MMACHC: variants seen among roughly 807,000 people sequenced by gnomAD.
The protein encoded by MMACHC is metabolism of cobalamin associated C, also known as cyanocobalamin reductase / alkylcobalamin dealkylase.
Under a neutral mutation model 17.6 loss-of-function variants are expected in MMACHC, and 14 were observed. The ratio of observed to expected loss-of-function variants is 0.80; its 90% CI spans 0.53 to 1.25. The LOEUF is 1.25. Ranked by LOEUF, MMACHC falls within the 50% of genes most tolerant of loss-of-function variation. The pLI is 0.00. For synonymous variants in MMACHC, 151 were observed against 142.1 expected (o/e 1.06, Z -0.45); for missense variants, 392 against 364.5 (o/e 1.08, Z -0.62).
At chr1:45,502,275 C>A (rs1643557978) in intron 1 of MMACHC, among the ~76,000 whole-genome samples, 1 of 152,104 alleles carries the variant, frequency 6.6e-6, no homozygotes, top group South Asian at 2.1e-4. Context: ...TTATTTTATT[C>A]TTTATTTATT....
intron 1 of MMACHC, 134 bp from the exon 2 acceptor site, chr1:45,507,222 A>G (rs1000250797): frequency 1.3e-6 from 1 of 762,026 alleles, no homozygotes; most frequent in African/African-American, 1.7e-5. Flanking sequence ...AATGCATCAC[A>G]TAGCGTCAGT....
In MMACHC at chr1:45,509,416, GTTTTTT is replaced by G. The variant is rs56934185; in HGVS notation, c.*212_*217del. ...AGAATTCCCATCTGCCTTCAAATGA[GTTTTTT>G]TTTTTTTTTTAGACAGAGTCTTACT... On this transcript the variant is annotated 3_prime_UTR_variant, in exon 4 of 4. Coordinates refer to ENST00000401061, the MANE Select transcript of MMACHC (RefSeq NM_015506.3). The G allele has an allele frequency of 1.0e-5, 4 of 391,734 alleles. No homozygotes were observed. The highest frequency in any genetic ancestry group is 2.8e-5 in the African/African-American group (1 of 36,232). 24.3% of individuals were successfully genotyped at this position (391,734 alleles called of 1,614,324 possible). A position where few individuals can be genotyped will look rare whatever the true frequency, so the allele number is the denominator to read the frequency against.
Position 45,511,326 on chromosome 1 carries a change from C to T in MMACHC, c.*2111C>T, listed in dbSNP as rs370454296. On this transcript the variant is annotated 3_prime_UTR_variant, in exon 4 of 4. Coordinates refer to ENST00000401061, the MANE Select transcript of MMACHC (RefSeq NM_015506.3). ...GCAGCCTGGCACTAAAACAGCCCAG[C>T]GCTCACTTCTGCTTGGAGAAATATT... The T allele has an allele frequency of 1.2e-5, 19 of 1,607,756 alleles. No homozygotes were observed. Among genetic ancestry groups the T allele is most frequent in the Non-Finnish European group, 1.4e-5 (16 of 1,176,682 alleles).
At position 45,511,345 on chromosome 1, in the gene MMACHC, A is replaced by G; in HGVS notation, c.*2130A>G. The G allele has an allele frequency of 6.2e-7, 1 of 1,612,564 alleles. No homozygotes were observed. Among genetic ancestry groups the G allele is most frequent in the Non-Finnish European group, 8.5e-7 (1 of 1,179,354 alleles). Reference sequence around the variant, plus strand: ...GCCCAGCGCTCACTTCTGCTTGGAGAAATATTCTTTGCTCTTTTGGACATC... The same window carrying G: ...GCCCAGCGCTCACTTCTGCTTGGAGGAATATTCTTTGCTCTTTTGGACATC... On this transcript the variant is annotated 3_prime_UTR_variant, in exon 4 of 4. Transcript: ENST00000401061.
At chr1:45,502,374 A>T (rs1470942984) in intron 1 of MMACHC, among the ~76,000 whole-genome samples, 2 of 151,998 alleles carry the variant, frequency 1.3e-5, no homozygotes, top group Admixed American at 1.3e-4. Context: ...GGCTCAAGTG[A>T]TCCTCCCACT....
intron 1 of MMACHC, among the ~76,000 whole-genome samples, chr1:45,502,353 T>C (rs984070366): frequency 2.6e-5 from 4 of 152,170 alleles, no homozygotes; most frequent in African/African-American, 9.7e-5. Context: ...CACTGCAGCC[T>C]CAAACTCCTG....
intron 1 of MMACHC, among the ~76,000 whole-genome samples, chr1:45,505,119 A>AAAC (rs1491195716): frequency 9.7e-5 from 1 of 10,348 alleles, no homozygotes; most frequent in African/African-American, 7.7e-4. Flanking sequence ...GTATACATTT[A>AAAC]AAAAAAAAAA....
Position 45,511,217 on chromosome 1 carries a change from A to C in MMACHC, c.*2002A>C. On this transcript the variant is annotated 3_prime_UTR_variant, in exon 4 of 4. Transcript: ENST00000401061. ...GGAAAGGCCTGCCTTGTAAGACACC[A>C]CAATTCGGCTGAATCTGAAGTCTTG... 1.1e-6 allele frequency: 1 copy of C among 927,716 alleles called. No individual in the cohort carries two copies. Among genetic ancestry groups the C allele is most frequent in the Non-Finnish European group, 1.6e-6 (1 of 612,506 alleles). The allele number at this position is 927,716 out of a possible 1,614,324, so 57.5% of individuals were successfully genotyped here.
At chr1:45,508,673 A>T (rs1643674267) in intron 3 of MMACHC, 123 bp from the exon 4 acceptor site, 2 of 1,190,696 alleles carry the variant, frequency 1.7e-6, no homozygotes, top group Admixed American at 2.6e-5. Context: ...CAAGAAAAGG[A>T]CAGAGGTTTA....
rs949256561 is a variant in MMACHC at position 45,500,484 on chromosome 1, C to T, written c.81+71C>T. The T allele has an allele frequency of 2.7e-6, 4 of 1,456,262 alleles. No individual in the cohort carries two copies. In the African/African-American group the frequency reaches 4.2e-5, roughly 15 times the overall value. The allele number at this position is 1,456,262 out of a possible 1,614,324, so 90.2% of individuals were successfully genotyped here. A position where few individuals can be genotyped will look rare whatever the true frequency, so the allele number is the denominator to read the frequency against. ...CTTCGTTGCAACTGGCGTGAGGCCT[C>T]GGGAGCCTCTGATCCTCCTGGGTTC... On this transcript the variant is annotated intron_variant, in intron 1 of 3. Transcript: ENST00000401061.
At chr1:45,502,436 C>T (rs764539172) in intron 1 of MMACHC, among the ~76,000 whole-genome samples, 3 of 152,086 alleles carry the variant, frequency 2.0e-5, no homozygotes, top group Non-Finnish European at 2.9e-5. Flanking sequence ...CAGGGTCTCA[C>T]TTTGTTGCCC....
chr1:45,500,360 CAGA>C lies in MMACHC; in HGVS notation c.32_34del (p.Lys11del), dbSNP rs2149320876. On this transcript the variant is annotated inframe_deletion, in exon 1 of 4. Coordinates refer to ENST00000401061, the MANE Select transcript of MMACHC (RefSeq NM_015506.3). ...GGAGCCGAAAGTCGCAGAGCTGAAG[CAGA>C]AGATCGAGGACACGCTATGTCCTTT... 1 of 1,614,180 alleles carries C rather than the reference CAGA, an allele frequency of 6.2e-7. No individual in the cohort carries two copies. Among genetic ancestry groups the C allele is most frequent in the Non-Finnish European group, 8.5e-7 (1 of 1,180,036 alleles).
At chr1:45,500,536 A>T in intron 1 of MMACHC, 123 bp downstream of exon 1, 1 of 946,684 alleles carries the variant, frequency 1.1e-6, no homozygotes, top group Non-Finnish European at 1.7e-6. Context: ...ATGTGACAAC[A>T]GGGACAGAGT....
rs139230730 is a variant in MMACHC at position 45,506,738 on chromosome 1, C to T, written c.82-618C>T. 3.6e-4 allele frequency among the ~76,000 whole-genome samples: 55 copies of T among 152,018 alleles called. 1 individual carries two copies. In the East Asian group the frequency reaches 8.4e-3, roughly 23 times the overall value. ...CAGACCTTAGGTGATCCACCTGCCT[C>T]GGCCTCCCAAAGTGCTGGGATTATA... On this transcript the variant is annotated intron_variant, in intron 1 of 3. Coordinates refer to ENST00000401061, the MANE Select transcript of MMACHC (RefSeq NM_015506.3).
rs1643746613 is a variant in MMACHC at position 45,511,554 on chromosome 1, C to T, written c.*2339C>T. ...TGCAATCAGTCTTAGATCATTCACC[C>T]TTTTAGTATGAGCTAACCATTTTAC... On this transcript the variant is annotated 3_prime_UTR_variant, in exon 4 of 4. Coordinates refer to ENST00000401061, the MANE Select transcript of MMACHC (RefSeq NM_015506.3). 1.8e-6 allele frequency: 1 copy of T among 541,638 alleles called. No individual in the cohort carries two copies. The highest frequency in any genetic ancestry group is 1.9e-5 in the African/African-American group (1 of 51,512). 33.6% of individuals were successfully genotyped at this position (541,638 alleles called of 1,614,324 possible). A position where few individuals can be genotyped will look rare whatever the true frequency, so the allele number is the denominator to read the frequency against.
rs201813445 is a variant in MMACHC at position 45,509,164 on chromosome 1, C to T, written c.798C>T (p.Ala266=). The part of the protein sequence containing the change: ...APKKPGNPSR[A]RSWLSPRVSP... Reference sequence around the variant, plus strand: ...AGAAGCCTGGGAATCCCAGCAGAGCCCGGAGCTGGCTCAGCCCCAGGGTCT... The same window carrying T: ...AGAAGCCTGGGAATCCCAGCAGAGCTCGGAGCTGGCTCAGCCCCAGGGTCT... The change falls in exon 4 of 4, where the codon GCC becomes GCT. Residue 266 remains alanine, a synonymous_variant. Coordinates refer to ENST00000401061, the MANE Select transcript of MMACHC (RefSeq NM_015506.3). 1.2e-4 allele frequency: 201 copies of T among 1,613,964 alleles called. 1 individual carries two copies. In the African/African-American group the frequency reaches 2.4e-3, roughly 19 times the overall value.
chr1:45,500,300 AT>A lies in MMACHC; in HGVS notation c.-31del. 2 of 1,613,332 alleles carry A rather than the reference AT, an allele frequency of 1.2e-6. No individual in the cohort carries two copies. The highest frequency in any genetic ancestry group is 1.7e-6 in the Non-Finnish European group (2 of 1,179,474). ...ACGGCCCAATTGTCCTTGAGACTTCATTCCCCAGCAAGCTCAGCGTGTAACG... is the reference window on the plus strand; with the variant it reads ...ACGGCCCAATTGTCCTTGAGACTTCATCCCCAGCAAGCTCAGCGTGTAACG... On this transcript the variant is annotated 5_prime_UTR_variant, in exon 1 of 4. Transcript: ENST00000401061.
At chr1:45,501,168 A>G (rs1170502139) in intron 1 of MMACHC, among the ~76,000 whole-genome samples, 2 of 152,216 alleles carry the variant, frequency 1.3e-5, no homozygotes, top group Non-Finnish European at 2.9e-5. Context: ...TACCAACAGA[A>G]GGATAATTCA....
Position 45,509,678 on chromosome 1 carries a change from C to G in MMACHC, c.*463C>G. The G allele has an allele frequency of 6.1e-6, 1 of 163,360 alleles. No homozygotes were observed. The highest frequency in any genetic ancestry group is 2.4e-5 in the African/African-American group (1 of 41,384). 10.1% of individuals were successfully genotyped at this position (163,360 alleles called of 1,614,324 possible). ...CCACCCATCTTGGCCTCCCAAAGTC[C>G]TGGGATTACAGGAATGAGCCACCGC... On this transcript the variant is annotated 3_prime_UTR_variant, in exon 4 of 4. Coordinates refer to ENST00000401061, the MANE Select transcript of MMACHC (RefSeq NM_015506.3).
Sources: allele counts gnomAD v4.1 joint callset (sites outside exome capture counted in the v4.1 genomes callset), GRCh38; gene constraint gnomAD v4.1.1; transcripts MANE v1.5; gene names NCBI Gene and HGNC (gene_info 2026-07-23, HGNC 2026-07-21).